The following CGNL1 variants were observed in gnomAD, a reference collection of about 807,000 sequenced individuals.
CGNL1 encodes cingulin-like protein 1.
CGNL1 carries 132 observed loss-of-function variants against 141.2 expected under a neutral mutation model. The observed-to-expected ratio is 0.93, with a 90% CI of 0.81 to 1.08. The LOEUF (loss-of-function observed/expected upper bound fraction) is 1.08, where lower values mean the gene tolerates loss of function less well. CGNL1 is among the 50% of genes least tolerant of loss of function. The pLI is 0.00. For synonymous variants in CGNL1, 690 were observed against 622.1 expected (o/e 1.11, Z -1.63); for missense variants, 1,870 against 1,588.6 (o/e 1.18, Z -3.01).
intron 3 of CGNL1, among the ~76,000 whole-genome samples, chr15:57,441,322 C>A (rs1360207722): frequency 6.6e-6 from 1 of 151,928 alleles, no homozygotes; most frequent in East Asian, 1.9e-4. Context: ...GAAGACTTTA[C>A]CATGTTAAGA....
intron 8 of CGNL1, among the ~76,000 whole-genome samples, chr15:57,497,944 A>C (rs7181778): frequency 0.011 from 1,690 of 152,310 alleles, 37 homozygotes; most frequent in African/African-American, 0.038. Flanking sequence ...TTCTCTGTAC[A>C]CTTGAGGATC....
chr15:57,493,678 GCA>G (rs1372385409), intron 8 of CGNL1, among the ~76,000 whole-genome samples: 2 of 150,984 alleles, frequency 1.3e-5, no homozygotes, highest in African/African-American at 4.8e-5. Context: ...CCTGGCAGCA[GCA>G]CAGATACACT....
chr15:57,376,771 C>T (rs2062367734), intron 1 of CGNL1, among the ~76,000 whole-genome samples: 1 of 151,632 alleles, frequency 6.6e-6, no homozygotes, highest in Admixed American at 6.6e-5. Context: ...CGCGCCGCGC[C>T]CCGCCGAGGG....
chr15:57,478,927 C>T (rs193139114), intron 8 of CGNL1, among the ~76,000 whole-genome samples: 3 of 152,346 alleles, frequency 2.0e-5, no homozygotes, highest in African/African-American at 4.8e-5. Context: ...GTGTGAGCTA[C>T]AGCTCCTGGC....
chr15:57,518,346 G>A, intron 9 of CGNL1, 47 bp from the exon 10 acceptor site: 1 of 1,375,156 alleles, frequency 7.3e-7, no homozygotes, highest in Non-Finnish European at 1.0e-6. Flanking sequence ...CAGTTTCATA[G>A]GTACAGCACA....
At chr15:57,443,935 C>T (rs866704632) in intron 4 of CGNL1, among the ~76,000 whole-genome samples, 2 of 152,128 alleles carry the variant, frequency 1.3e-5, no homozygotes, top group South Asian at 4.1e-4. Context: ...CAACAAATAT[C>T]CTTTTTATAT....
intron 8 of CGNL1, among the ~76,000 whole-genome samples, chr15:57,476,103 G>T (rs984872980): frequency 5.9e-5 from 9 of 152,168 alleles, no homozygotes; most frequent in Admixed American, 3.3e-4. Flanking sequence ...CCCCAGCCTA[G>T]TAGAGACAGA....
At chr15:57,506,187 C>G (rs148290456) in intron 8 of CGNL1, among the ~76,000 whole-genome samples, 5 of 152,226 alleles carry the variant, frequency 3.3e-5, no homozygotes, top group Admixed American at 1.3e-4. Context: ...TGCATTTACC[C>G]GGTTCCCACC....
rs190446778 is a variant in CGNL1 at position 57,390,945 on chromosome 15, G to A, written c.-16+14378G>A. 7.6e-4 allele frequency among the ~76,000 whole-genome samples: 115 copies of A among 152,254 alleles called. 1 individual carries two copies. Among genetic ancestry groups the A allele is most frequent in the Non-Finnish European group, 1.4e-3 (94 of 68,030 alleles). Reference sequence around the variant, plus strand: ...CAGTGTTGAAGGAGGCCAGGGGCTTGCCTCAGCCTAAGTCCCACCTGTAAT... The same window carrying A: ...CAGTGTTGAAGGAGGCCAGGGGCTTACCTCAGCCTAAGTCCCACCTGTAAT... On this transcript the variant is annotated intron_variant, in intron 1 of 18. Transcript: ENST00000281282.
chr15:57,460,317 T>G (rs1214265173), intron 7 of CGNL1, among the ~76,000 whole-genome samples: 1 of 152,138 alleles, frequency 6.6e-6, no homozygotes, highest in African/African-American at 2.4e-5. Context: ...AAAAATCATA[T>G]AGCAAGAGAT....
chr15:57,521,658 C>G (rs919255879), intron 10 of CGNL1, among the ~76,000 whole-genome samples: 2 of 152,110 alleles, frequency 1.3e-5, no homozygotes, highest in African/African-American at 4.8e-5. Context: ...GTTGGCAGGC[C>G]CTAGGCCCAG....
At position 57,460,685 on chromosome 15, in the gene CGNL1, C is replaced by T. The variant is rs139694245; in HGVS notation, c.2191-995C>T. Among the ~76,000 whole-genome samples the T allele has an allele frequency of 3.4e-3, 517 of 152,262 alleles. 3 individuals are homozygous for T. The highest frequency in any genetic ancestry group is 0.012 in the African/African-American group (505 of 41,546). On this transcript the variant is annotated intron_variant, in intron 7 of 18. Transcript: ENST00000281282. Reference sequence around the variant, plus strand: ...AAAACCATCATATCTCATGAGAACTCACTATCACAAGAGCAACATGGGGAA... The same window carrying T: ...AAAACCATCATATCTCATGAGAACTTACTATCACAAGAGCAACATGGGGAA...
intron 4 of CGNL1, among the ~76,000 whole-genome samples, chr15:57,450,518 C>T (rs188911621): frequency 1.3e-5 from 2 of 152,210 alleles, no homozygotes; most frequent in East Asian, 1.9e-4. Context: ...CTCAGGTGAT[C>T]GTTCTGCCTC....
At chr15:57,527,798 CCAG>C (rs1315659253) in intron 12 of CGNL1, 1 of 152,132 alleles carries the variant, frequency 6.6e-6, no homozygotes, top group Non-Finnish European at 1.5e-5. Context: ...AGGTTTTTTG[CCAG>C]TAGGTTGCTT....
rs556823550 is a variant in CGNL1, at chr15:57,453,691, A to C, written c.2063A>C (p.Gln688Pro). Reference sequence around the variant, plus strand: ...GCTTCCTTCCCTGCCAGGCTATTCCAGGTGAAGATGGAACGGGAGCAGCAT... The same window carrying C: ...GCTTCCTTCCCTGCCAGGCTATTCCCGGTGAAGATGGAACGGGAGCAGCAT... ...ELRKNLEELF[Q>P]VKMEREQHQT... Residue 688 changes from glutamine (Q) to proline (P), a missense_variant, in exon 7 of 19, where the codon CAG (glutamine) becomes CCG (proline). Gln to Pro is a moderately conservative substitution (Grantham distance 76, BLOSUM62 -1). Coordinates refer to ENST00000281282, the MANE Select transcript of CGNL1 (RefSeq NM_032866.5). The C allele has an allele frequency of 6.2e-7, 1 of 1,613,838 alleles. No individual in the cohort carries two copies. Among genetic ancestry groups the C allele is most frequent in the Non-Finnish European group, 8.5e-7 (1 of 1,179,878 alleles).
At chr15:57,508,199 CCA>C (rs1464431740) in intron 8 of CGNL1, among the ~76,000 whole-genome samples, 1 of 134,864 alleles carries the variant, frequency 7.4e-6, no homozygotes, top group African/African-American at 2.7e-5. Context: ...TCCCCCCGCC[CCA>C]CACACACACA....
chr15:57,540,668 AC>A (rs2032516184), intron 14 of CGNL1, among the ~76,000 whole-genome samples: 1 of 152,152 alleles, frequency 6.6e-6, no homozygotes, highest in Non-Finnish European at 1.5e-5. Context: ...CTGGGCAGTC[AC>A]CCAGTGCACC....
intron 8 of CGNL1, among the ~76,000 whole-genome samples, chr15:57,471,222 A>G (rs1807761462): frequency 6.6e-6 from 1 of 152,216 alleles, no homozygotes; most frequent in Admixed American, 6.5e-5. Context: ...ATGACAGAAT[A>G]AAGGGCTTCT....
chr15:57,446,489 G>A (rs946191017), intron 4 of CGNL1, among the ~76,000 whole-genome samples: 19 of 151,844 alleles, frequency 1.3e-4, no homozygotes, highest in Admixed American at 4.6e-4. Context: ...AAGTATTCTC[G>A]TGTGTCCGGC....
Sources: gnomAD v4.1 joint callset for allele counts (sites outside exome capture counted in the v4.1 genomes callset) on GRCh38, gnomAD v4.1.1 for gene constraint, MANE v1.5 for transcripts, NCBI Gene and HGNC (gene_info 2026-07-23, HGNC 2026-07-21) for gene names.